The following ELAPOR2 variants were observed in gnomAD, a reference collection of about 807,000 sequenced individuals.
ELAPOR2 encodes endosome/lysosome-associated apoptosis and autophagy regulator family member 2.
ELAPOR2 carries 89 observed loss-of-function variants against 120.7 expected under a neutral mutation model. That is an observed-to-expected ratio of 0.74 (90% CI 0.62 to 0.88). The LOEUF (loss-of-function observed/expected upper bound fraction) is 0.88, where lower values mean the gene tolerates loss of function less well. Ranked by LOEUF, ELAPOR2 falls within the 40% of genes least tolerant of loss-of-function variation. ELAPOR2 has a pLI of 0.00. For synonymous variants in ELAPOR2, 444 were observed against 444.9 expected (o/e 1.00, Z 0.03); for missense variants, 1,134 against 1,251.6 (o/e 0.91, Z 1.42).
chr7:86,921,594 T>C (rs1409608534), intron 10 of ELAPOR2, among the ~76,000 whole-genome samples: 1 of 152,134 alleles, frequency 6.6e-6, no homozygotes, highest in Non-Finnish European at 1.5e-5. Flanking sequence ...AATACTTTTC[T>C]GTTGTTTGAA....
chr7:86,941,050 TG>T (rs563360985), intron 5 of ELAPOR2, among the ~76,000 whole-genome samples: 66 of 152,242 alleles, frequency 4.3e-4, no homozygotes, highest in African/African-American at 1.5e-3. Flanking sequence ...TGAAAGGGTA[TG>T]TTGTATTAAT....
Position 86,913,111 on chromosome 7 carries a change from G to T in ELAPOR2, c.1825C>A (p.Leu609Ile). The change falls in exon 14 of 22, where the codon CTC (leucine) becomes ATC (isoleucine). Residue 609 changes from leucine to isoleucine, a missense_variant. By Grantham distance (5) the Leu-to-Ile change is conservative. Coordinates refer to ENST00000450689, the MANE Select transcript of ELAPOR2 (RefSeq NM_001142749.3). Reference protein sequence around the residue: ...GVASSCRACALGSEQSGSSCV... With the variant: ...GVASSCRACAIGSEQSGSSCV... ...GATGAACCCGACTGTTCAGAACCGA[G>T]GGCACAGGCACGGCATGAGGACGCC... 1 of 1,614,048 alleles carries T rather than the reference G, an allele frequency of 6.2e-7. No homozygotes were observed. The highest frequency in any genetic ancestry group is 2.2e-5 in the East Asian group (1 of 44,834).
chr7:86,980,061 A>G (rs1792412637), intron 1 of ELAPOR2, among the ~76,000 whole-genome samples: 1 of 152,248 alleles, frequency 6.6e-6, no homozygotes, highest in Admixed American at 6.5e-5. Flanking sequence ...GGTCTTTGAC[A>G]GAGATATTAA....
At chr7:86,892,899 T>G in intron 20 of ELAPOR2, 23 bp downstream of exon 20, 1 of 1,477,686 alleles carries the variant, frequency 6.8e-7, no homozygotes. Context: ...AGCTCTCTTG[T>G]GATCATCTCA....
intron 1 of ELAPOR2, among the ~76,000 whole-genome samples, chr7:87,051,793 T>C (rs1250675020): frequency 6.6e-6 from 1 of 152,238 alleles, no homozygotes; most frequent in African/African-American, 2.4e-5. Flanking sequence ...AGGCTAACCA[T>C]ACTCTCTTAA....
intron 1 of ELAPOR2, among the ~76,000 whole-genome samples, chr7:87,036,152 T>C (rs948074183): frequency 2.0e-5 from 3 of 152,170 alleles, no homozygotes; most frequent in African/African-American, 2.4e-5. Flanking sequence ...TACTATGCAT[T>C]TTGTCAATAA....
At chr7:86,994,641 T>G (rs6957917) in intron 1 of ELAPOR2, among the ~76,000 whole-genome samples, 57,411 of 151,810 alleles carry the variant, frequency 0.38, 11,680 homozygotes, top group African/African-American at 0.53. Flanking sequence ...GGCAGGGTGG[T>G]TAGTTTCATT....
chr7:86,962,353 A>C (rs1390683208), intron 2 of ELAPOR2, among the ~76,000 whole-genome samples: 1 of 152,186 alleles, frequency 6.6e-6, no homozygotes, highest in Non-Finnish European at 1.5e-5. Context: ...GTTTCATTTT[A>C]TTTTGAGACA....
intron 6 of ELAPOR2, among the ~76,000 whole-genome samples, chr7:86,939,338 A>G (rs982565924): frequency 2.0e-5 from 3 of 152,080 alleles, no homozygotes; most frequent in African/African-American, 7.2e-5. Context: ...AGTCACAGGT[A>G]AGACCTAGGA....
At chr7:86,918,853 T>C (rs1054857827) in intron 11 of ELAPOR2, among the ~76,000 whole-genome samples, 12 of 152,086 alleles carry the variant, frequency 7.9e-5, no homozygotes, top group African/African-American at 2.7e-4. Flanking sequence ...TTAAGAAATT[T>C]CTAACATACT....
At chr7:86,990,956 A>G (rs1351285296) in intron 1 of ELAPOR2, among the ~76,000 whole-genome samples, 4 of 152,222 alleles carry the variant, frequency 2.6e-5, no homozygotes, top group Non-Finnish European at 4.4e-5. Flanking sequence ...GTCAAAGGAA[A>G]CTGGGGTTGT....
chr7:86,888,687 G>C (rs976440084), intron 21 of ELAPOR2, among the ~76,000 whole-genome samples: 3 of 152,082 alleles, frequency 2.0e-5, no homozygotes, highest in African/African-American at 7.2e-5. Flanking sequence ...GTGAACAAAA[G>C]TCACTAGTTT....
intron 1 of ELAPOR2, among the ~76,000 whole-genome samples, chr7:86,979,649 G>C (rs1351147424): frequency 6.6e-6 from 1 of 152,164 alleles, no homozygotes; most frequent in Non-Finnish European, 1.5e-5. Context: ...GAGAATGCAA[G>C]ACAGGGTATA....
chr7:86,890,764 T>C (rs948625721), intron 21 of ELAPOR2, among the ~76,000 whole-genome samples: 3 of 152,054 alleles, frequency 2.0e-5, no homozygotes, highest in African/African-American at 4.8e-5. Flanking sequence ...CATCTTCATA[T>C]TAATAAAAGG....
intron 1 of ELAPOR2, among the ~76,000 whole-genome samples, chr7:87,012,863 G>A (rs772647186): frequency 1.3e-5 from 2 of 152,138 alleles, no homozygotes; most frequent in African/African-American, 2.4e-5. Context: ...CCACTGCTGT[G>A]TGACCAGCAA....
At chr7:86,951,568 G>T (rs549295708) in intron 2 of ELAPOR2, among the ~76,000 whole-genome samples, 6 of 152,230 alleles carry the variant, frequency 3.9e-5, no homozygotes, top group Non-Finnish European at 8.8e-5. Flanking sequence ...TGAATATAAT[G>T]GATATTTGGT....
At chr7:86,911,620 A>G (rs1469324406) in intron 15 of ELAPOR2, 1 of 456,590 alleles carries the variant, frequency 2.2e-6, no homozygotes, top group Non-Finnish European at 4.4e-6. Flanking sequence ...ATTTAAGCCT[A>G]CCTTATCAAC....
intron 1 of ELAPOR2, among the ~76,000 whole-genome samples, chr7:87,015,912 T>TC (rs1389710602): frequency 2.6e-5 from 4 of 152,166 alleles, no homozygotes; most frequent in Non-Finnish European, 5.9e-5. Context: ...GGTTGTCAGT[T>TC]AACAGGCCAG....
rs148358173 is a variant in ELAPOR2, at chr7:87,059,050, T to C, written c.189+275A>G. On this transcript the variant is annotated intron_variant, in intron 1 of 21. Transcript: ENST00000450689. ...TCCCTCGACCCCAGGTCCTCAAACC[T>C]GGCTGTCCAAAAAGGACGCCGCAAA... Among the ~76,000 whole-genome samples, 651 of 151,882 alleles carry C rather than the reference T, an allele frequency of 4.3e-3. 5 individuals carry two copies. The highest frequency in any genetic ancestry group is 6.3e-3 in the Non-Finnish European group (426 of 67,936).
Sources: allele counts gnomAD v4.1 joint callset (sites outside exome capture counted in the v4.1 genomes callset), GRCh38; gene constraint gnomAD v4.1.1; transcripts MANE v1.5; gene names NCBI Gene and HGNC (gene_info 2026-07-23, HGNC 2026-07-21).